The following AKAP10 variants were observed in gnomAD, a reference collection of about 807,000 sequenced individuals.
AKAP10 encodes A-kinase anchoring protein 10.
Under a neutral mutation model 80.8 loss-of-function variants are expected in AKAP10, and 24 were observed. That is an observed-to-expected ratio of 0.30 (90% CI 0.22 to 0.42). The LOEUF is 0.42. Among genes scored for constraint, AKAP10 ranks in the 10% least tolerant of loss-of-function variants. AKAP10 has a pLI of 1.00. For synonymous variants in AKAP10, 291 were observed against 277.7 expected (o/e 1.05, Z -0.48); for missense variants, 661 against 794.9 (o/e 0.83, Z 2.03).
chr17:19,946,205 TTATA>T (rs1555576558), intron 5 of AKAP10, among the ~76,000 whole-genome samples: 3,646 of 46,000 alleles, frequency 0.079, 320 homozygotes, highest in East Asian at 0.12. Flanking sequence ...TACATATATT[TTATA>T]TATATATATA....
Position 19,958,084 on chromosome 17 carries a change from A to G in AKAP10, c.807T>C (p.Ser269=). The change falls in exon 4 of 15, where the codon TCT becomes TCC. Residue 269 remains serine (S), a synonymous_variant. Transcript: ENST00000225737. The part of the protein sequence containing the change: ...QVSMETQESS[S]TLTVASRNSP... ...TATTTCTACTGGCTACTGTAAGTGT[A>G]GAGGAAGATTCTTGGGTTTCCATGG... The G allele has an allele frequency of 6.2e-7, 1 of 1,614,222 alleles. No individual in the cohort carries two copies. Among genetic ancestry groups the G allele is most frequent in the African/African-American group, 1.3e-5 (1 of 75,070 alleles).
Position 19,905,030 on chromosome 17 carries a change from ATTT to A in AKAP10, c.*1194_*1196del, listed in dbSNP as rs35782741. 2.1e-5 allele frequency: 3 copies of A among 144,196 alleles called. No individual in the cohort carries two copies. The highest frequency in any genetic ancestry group is 6.9e-5 in the Admixed American group (1 of 14,542). 8.9% of individuals were successfully genotyped at this position (144,196 alleles called of 1,614,324 possible). On this transcript the variant is annotated 3_prime_UTR_variant, in exon 15 of 15. Transcript: ENST00000225737. ...TATATATTTATACATATATATATAT[ATTT>A]TTTTTTTTGCAAAGTCTGAGCAAAA... is the stretch of plus-strand genomic sequence containing the variant.
In AKAP10 at chr17:19,910,325, C is replaced by CAAAAAAAAAAAAAAA. The variant is rs3031068; in HGVS notation, c.1835-362_1835-348dup. On this transcript the variant is annotated intron_variant, in intron 12 of 14. Coordinates refer to ENST00000225737, the MANE Select transcript of AKAP10 (RefSeq NM_007202.4). ...TGGGCAACAGAGCGAGACTCCAACT[C>CAAAAAAAAAAAAAAA]AAAAAAAAAAAAAAAAACCACTATC... Among the ~76,000 whole-genome samples, 128 of 90,596 alleles carry CAAAAAAAAAAAAAAA rather than the reference C, an allele frequency of 1.4e-3. 5 individuals carry two copies. The highest frequency in any genetic ancestry group is 6.5e-3 in the Middle Eastern group (1 of 154). The allele number at this position is 90,596 out of a possible 152,430, so 59.4% of individuals were successfully genotyped here. A position where few individuals can be genotyped will look rare whatever the true frequency, so the allele number is the denominator to read the frequency against.
intron 14 of AKAP10, among the ~76,000 whole-genome samples, chr17:19,907,915 G>A (rs2042648425): frequency 6.6e-6 from 1 of 151,132 alleles, no homozygotes; most frequent in African/African-American, 2.4e-5. Flanking sequence ...CCAGACCAGA[G>A]TGCAGTGGTG....
intron 12 of AKAP10, among the ~76,000 whole-genome samples, chr17:19,913,448 G>A (rs531993551): frequency 5.9e-5 from 9 of 152,080 alleles, no homozygotes; most frequent in African/African-American, 1.4e-4. Context: ...CACCACGCCC[G>A]GCCCTAATTG....
chr17:19,956,611 A>G (rs1013908836), intron 4 of AKAP10, among the ~76,000 whole-genome samples: 82 of 152,274 alleles, frequency 5.4e-4, no homozygotes, highest in African/African-American at 1.9e-3. Context: ...GGTTGGTCTC[A>G]AAACTCCTGG....
chr17:19,962,295 T>TATAC lies in AKAP10; in HGVS notation c.319+544_319+545insGTAT, dbSNP rs2043361560. Reference sequence around the variant, plus strand: ...ACATACATACATACATACATACATATACACACACACACACACACACACACA... The same window carrying TATAC: ...ACATACATACATACATACATACATATATACACACACACACACACACACACACACA... On this transcript the variant is annotated intron_variant, in intron 3 of 14. Transcript: ENST00000225737. 6.0e-4 allele frequency among the ~76,000 whole-genome samples: 75 copies of TATAC among 125,132 alleles called. 1 individual carries two copies. Among genetic ancestry groups the TATAC allele is most frequent in the Middle Eastern group, 7.5e-3 (2 of 268 alleles). The allele number at this position is 125,132 out of a possible 152,430, so 82.1% of individuals were successfully genotyped here.
intron 1 of AKAP10, among the ~76,000 whole-genome samples, chr17:19,972,983 A>G (rs191379183): frequency 1.0e-3 from 156 of 151,662 alleles, no homozygotes; most frequent in Non-Finnish European, 8.8e-4. Flanking sequence ...AATACAACCC[A>G]CTACCTTTTG....
chr17:19,919,757 C>T (rs203450), intron 12 of AKAP10, among the ~76,000 whole-genome samples: 61,417 of 151,768 alleles, frequency 0.4, 12,853 homozygotes, highest in African/African-American at 0.5. Context: ...CAACTTAGGT[C>T]GGGTATTTTG....
At chr17:19,965,928 G>A (rs1268647862) in intron 2 of AKAP10, among the ~76,000 whole-genome samples, 1 of 150,942 alleles carries the variant, frequency 6.6e-6, no homozygotes, top group Non-Finnish European at 1.5e-5. Context: ...CCTCATTTTA[G>A]AGATGAAGAC....
At chr17:19,971,042 G>A (rs2043490738) in intron 1 of AKAP10, among the ~76,000 whole-genome samples, 1 of 151,572 alleles carries the variant, frequency 6.6e-6, no homozygotes, top group South Asian at 2.1e-4. Flanking sequence ...GTTGAGATGG[G>A]GTCTTGCTAT....
intron 10 of AKAP10, among the ~76,000 whole-genome samples, chr17:19,926,149 T>G (rs1198491030): frequency 6.6e-6 from 1 of 152,142 alleles, no homozygotes; most frequent in Non-Finnish European, 1.5e-5. Context: ...ATCTCAGGTA[T>G]GCAAGGTTGG....
At chr17:19,940,022 A>G (rs2043035924) in intron 7 of AKAP10, among the ~76,000 whole-genome samples, 173 bp from the exon 8 acceptor site, 1 of 152,228 alleles carries the variant, frequency 6.6e-6, no homozygotes. Context: ...GAAAAGTTTT[A>G]AAGTATTCTT....
intron 3 of AKAP10, among the ~76,000 whole-genome samples, chr17:19,961,297 A>C (rs1355554975): frequency 6.6e-6 from 1 of 151,732 alleles, no homozygotes; most frequent in Non-Finnish European, 1.5e-5. Flanking sequence ...GGCTGCAGTG[A>C]GTTGTAATCA....
At chr17:19,916,901 C>T (rs1284925163) in intron 12 of AKAP10, among the ~76,000 whole-genome samples, 1 of 150,776 alleles carries the variant, frequency 6.6e-6, no homozygotes, top group Non-Finnish European at 1.5e-5. Flanking sequence ...CGTGCCACTA[C>T]ACTCCAGCCC....
At chr17:19,974,552 T>C (rs1474518985) in intron 1 of AKAP10, among the ~76,000 whole-genome samples, 3 of 152,174 alleles carry the variant, frequency 2.0e-5, no homozygotes, top group Admixed American at 1.3e-4. Context: ...AAGTTGGATA[T>C]ACCAGTCTGG....
chr17:19,935,614 A>G (rs949393818), intron 9 of AKAP10, among the ~76,000 whole-genome samples: 4 of 150,450 alleles, frequency 2.7e-5, no homozygotes, highest in Non-Finnish European at 5.9e-5. Flanking sequence ...TCTATTTTTA[A>G]TTTTTTTTTT....
intron 4 of AKAP10, among the ~76,000 whole-genome samples, chr17:19,951,281 G>C (rs1035751280): frequency 6.6e-6 from 1 of 151,488 alleles, no homozygotes; most frequent in African/African-American, 2.4e-5. Flanking sequence ...GGGAGGTGGG[G>C]GGCGCCTCCG....
intron 5 of AKAP10, among the ~76,000 whole-genome samples, chr17:19,946,253 ATATATATATATATATATATATATTT>A (rs2043119541): frequency 4.8e-5 from 1 of 20,822 alleles, no homozygotes; most frequent in African/African-American, 1.9e-4. Context: ...ATATATATAT[ATATATATATATATATATATATATTT>A]TTTTTTTTTT....
Sources: gnomAD v4.1 joint callset for allele counts (sites outside exome capture counted in the v4.1 genomes callset) on GRCh38, gnomAD v4.1.1 for gene constraint, MANE v1.5 for transcripts, NCBI Gene and HGNC (gene_info 2026-07-23, HGNC 2026-07-21) for gene names.